The following VTI1A variants were observed in gnomAD, a reference collection of about 807,000 sequenced individuals.
VTI1A encodes the protein vesicle transport through interaction with t-SNAREs 1A.
VTI1A carries 22 observed loss-of-function variants against 34.9 expected under a neutral mutation model. The observed-to-expected ratio is 0.63, with a 90% confidence interval of 0.45 to 0.90. The LOEUF is 0.90. Among genes scored for constraint, VTI1A ranks in the 40% least tolerant of loss-of-function variants. VTI1A has a pLI of 0.00. For missense variants in VTI1A, 268 were observed against 275.6 expected, an observed-to-expected ratio of 0.97 and a Z score of 0.20; for synonymous variants, 87 against 97.3, an observed-to-expected ratio of 0.89 and a Z score of 0.62.
rs933615601 is a variant in VTI1A at position 112,818,406 on chromosome 10, AAAAG to A, written c.*3032_*3035del. On this transcript the variant is annotated 3_prime_UTR_variant, in exon 8 of 8. Coordinates refer to ENST00000393077, the MANE Select transcript of VTI1A (RefSeq NM_145206.4). ...ACCCATAGAAGAAGGGAGGGGAAAA[AAAAG>A]AAAGAAAGGAAAAGCAACTGTCTTT... 4 of 232,588 alleles carry A rather than the reference AAAAG, an allele frequency of 1.7e-5. No homozygotes were observed. The highest frequency in any genetic ancestry group is 6.1e-5 in the East Asian group (1 of 16,518). The allele number at this position is 232,588 out of a possible 1,614,324, so 14.4% of individuals were successfully genotyped here.
Position 112,816,946 on chromosome 10 carries a change from A to G in VTI1A, c.*1563A>G. On this transcript the variant is annotated 3_prime_UTR_variant, in exon 8 of 8. Coordinates refer to ENST00000393077, the MANE Select transcript of VTI1A (RefSeq NM_145206.4). ...TCGGATAAATCATTTAGTATTGTGT[A>G]AATAAAGCTGCAGCCTTTACTTCGG... is the stretch of plus-strand genomic sequence containing the variant. 1 of 231,380 alleles carries G rather than the reference A, an allele frequency of 4.3e-6. No homozygotes were observed. Among genetic ancestry groups the G allele is most frequent in the Non-Finnish European group, 8.6e-6 (1 of 116,878 alleles). The allele number at this position is 231,380 out of a possible 1,614,324, so 14.3% of individuals were successfully genotyped here. A position where few individuals can be genotyped will look rare whatever the true frequency, so the allele number is the denominator to read the frequency against.
intron 7 of VTI1A, among the ~76,000 whole-genome samples, chr10:112,730,879 A>T (rs982456223): frequency 2.6e-5 from 4 of 152,240 alleles, no homozygotes; most frequent in African/African-American, 9.6e-5. Flanking sequence ...GATATATTTT[A>T]TAATAAAAAT....
chr10:112,838,452 T>G, the VTI1A span, among the ~76,000 whole-genome samples: 1 of 152,254 alleles, frequency 6.6e-6, no homozygotes, highest in Non-Finnish European at 1.5e-5. Context: ...ATGTCATATA[T>G]GGTGTAGATT....
intron 3 of VTI1A, among the ~76,000 whole-genome samples, chr10:112,469,138 C>G (rs1847998075): frequency 6.6e-6 from 1 of 152,128 alleles, no homozygotes; most frequent in Non-Finnish European, 1.5e-5. Flanking sequence ...TATCTTGTTC[C>G]ATTGCTTCTT....
chr10:112,842,202 A>T, the VTI1A span, among the ~76,000 whole-genome samples: 14 of 152,012 alleles, frequency 9.2e-5, no homozygotes, highest in African/African-American at 3.4e-4. Flanking sequence ...GCCTGTTACC[A>T]GATGGAAAAG....
chr10:112,653,676 A>T (rs1311050436), intron 5 of VTI1A, among the ~76,000 whole-genome samples: 1 of 152,256 alleles, frequency 6.6e-6, no homozygotes, highest in African/African-American at 2.4e-5. Context: ...AAAATGAAGC[A>T]GTCAATAAAT....
chr10:112,491,559 C>G (rs1848822125), intron 3 of VTI1A, among the ~76,000 whole-genome samples: 1 of 152,144 alleles, frequency 6.6e-6, no homozygotes, highest in Admixed American at 6.5e-5. Flanking sequence ...TCAAAAAATG[C>G]AGAACAAAAG....
chr10:112,456,492 G>A (rs529125496), intron 1 of VTI1A, among the ~76,000 whole-genome samples: 11 of 151,350 alleles, frequency 7.3e-5, no homozygotes, highest in East Asian at 1.9e-4. Flanking sequence ...CCCTAGAGCC[G>A]AGCATAGAAC....
At chr10:112,536,607 A>C (rs1850624632) in intron 4 of VTI1A, among the ~76,000 whole-genome samples, 1 of 150,398 alleles carries the variant, frequency 6.6e-6, no homozygotes, top group African/African-American at 2.4e-5. Context: ...TTGCAGAGGG[A>C]GGGGACAATT....
the VTI1A span, among the ~76,000 whole-genome samples, chr10:112,839,017 C>T: frequency 0.048 from 7,257 of 152,104 alleles, 592 homozygotes; most frequent in African/African-American, 0.16. Context: ...TGGGTCACCT[C>T]GCAGCTCAGC....
At chr10:112,748,608 T>A (rs1249578909) in intron 7 of VTI1A, among the ~76,000 whole-genome samples, 4 of 149,302 alleles carry the variant, frequency 2.7e-5, no homozygotes, top group Non-Finnish European at 4.4e-5. Context: ...TTTTTTTTTT[T>A]AATTTAGAAA....
chr10:112,788,576 A>T (rs1852366016), intron 7 of VTI1A, among the ~76,000 whole-genome samples: 1 of 152,086 alleles, frequency 6.6e-6, no homozygotes, highest in South Asian at 2.1e-4. Flanking sequence ...GGTCTTTTAT[A>T]TCCAGTCTAA....
At chr10:112,470,776 C>A (rs1160455479) in intron 3 of VTI1A, among the ~76,000 whole-genome samples, 2 of 152,262 alleles carry the variant, frequency 1.3e-5, no homozygotes, top group South Asian at 2.1e-4. Flanking sequence ...CTTGTAATCC[C>A]AGCTACTTGG....
At chr10:112,536,740 T>C (rs984857917) in intron 4 of VTI1A, among the ~76,000 whole-genome samples, 1 of 151,904 alleles carries the variant, frequency 6.6e-6, no homozygotes, top group Non-Finnish European at 1.5e-5. Context: ...TTTTAATGAT[T>C]CTCACCCCCC....
chr10:112,686,150 G>A (rs17130010), intron 7 of VTI1A, among the ~76,000 whole-genome samples: 3,404 of 152,300 alleles, frequency 0.022, 46 homozygotes, highest in Non-Finnish European at 0.035. Flanking sequence ...ATACTTATAA[G>A]AGAGATTGCA....
chr10:112,711,721 CATTT>C (rs1239717691), intron 7 of VTI1A, among the ~76,000 whole-genome samples: 1 of 152,172 alleles, frequency 6.6e-6, no homozygotes. Flanking sequence ...GCTTTGGAGT[CATTT>C]ATTTTCTACT....
At chr10:112,575,267 G>A (rs1180442197) in intron 5 of VTI1A, among the ~76,000 whole-genome samples, 1 of 152,144 alleles carries the variant, frequency 6.6e-6, no homozygotes, top group East Asian at 1.9e-4. Flanking sequence ...CTCTTCCCTG[G>A]CACTGAAAAC....
At chr10:112,695,306 T>C (rs1848742439) in intron 7 of VTI1A, among the ~76,000 whole-genome samples, 1 of 152,102 alleles carries the variant, frequency 6.6e-6, no homozygotes, top group African/African-American at 2.4e-5. Flanking sequence ...GTAAGAAACA[T>C]TGGGTATAAG....
intron 3 of VTI1A, among the ~76,000 whole-genome samples, chr10:112,472,108 A>T (rs2134073513): frequency 6.6e-6 from 1 of 152,318 alleles, no homozygotes; most frequent in Non-Finnish European, 1.5e-5. Flanking sequence ...TTTTCTTGTA[A>T]CAAAGCTGAA....
Sources: allele counts gnomAD v4.1 joint callset (sites outside exome capture counted in the v4.1 genomes callset), GRCh38; gene constraint gnomAD v4.1.1; transcripts MANE v1.5; gene names NCBI Gene and HGNC (gene_info 2026-07-23, HGNC 2026-07-21).